Variants in PER2 observed in about 807,000 individuals in gnomAD.
PER2 encodes period circadian regulator 2, also known as period circadian protein homolog 2.
Under a neutral mutation model 121.0 loss-of-function variants are expected in PER2, and 66 were observed. The ratio of observed to expected loss-of-function variants is 0.55; its 90% confidence interval spans 0.45 to 0.67. The LOEUF (loss-of-function observed/expected upper bound fraction) is 0.67. PER2 is among the 30% of genes least tolerant of loss of function. The pLI is 0.00. For missense variants in PER2, 1,521 were observed against 1,635.0 expected (o/e 0.93, Z 1.20); for synonymous variants, 684 against 659.9 (o/e 1.04, Z -0.56).
intron 3 of PER2, among the ~76,000 whole-genome samples, chr2:238,276,840 G>C (rs1041904206): frequency 1.3e-5 from 2 of 152,152 alleles, no homozygotes; most frequent in African/African-American, 4.8e-5. Context: ...CACCTACGAA[G>C]GGTGAAGAAT....
At position 238,260,004 on chromosome 2, in the gene PER2, T is replaced by A; in HGVS notation, c.1592A>T (p.His531Leu). The A allele has an allele frequency of 6.6e-7, 1 of 1,509,336 alleles. No homozygotes were observed. The highest frequency in any genetic ancestry group is 9.2e-7 in the Non-Finnish European group (1 of 1,089,776). 93.5% of individuals were successfully genotyped at this position (1,509,336 alleles called of 1,614,324 possible). A position where few individuals can be genotyped will look rare whatever the true frequency, so the allele number is the denominator to read the frequency against. Residue 531 changes from histidine to leucine, a missense_variant, in exon 14 of 23, where the codon CAT becomes CTT. His to Leu is a moderately conservative substitution (Grantham distance 99). Transcript: ENST00000254657. ...NKTKNRSHYS[H>L]ESGEQKKKSV... The stretch of plus-strand genomic sequence containing the variant: ...TTTTTTCTTTTGTTCTCCAGATTCA[T>A]GAGAATAATGACTTCTATTTTTGGT...
chr2:238,298,031 CTTT>C, the PER2 span, among the ~76,000 whole-genome samples: 6 of 128,376 alleles, frequency 4.7e-5, no homozygotes, highest in Admixed American at 8.2e-5. Flanking sequence ...AGCTTTTGTT[CTTT>C]TTTTTTTTTT....
chr2:238,268,406 G>C lies in PER2; in HGVS notation c.825-208C>G, dbSNP rs1696178479. ...CAAATCAGAGTTAACACCCCCACCAGTGGGGCAGCCTGGAGCAGCCTGCAC... is the reference window on the plus strand; with the variant it reads ...CAAATCAGAGTTAACACCCCCACCACTGGGGCAGCCTGGAGCAGCCTGCAC... On this transcript the variant is annotated intron_variant, in intron 7 of 22. Coordinates refer to ENST00000254657, the MANE Select transcript of PER2 (RefSeq NM_022817.3). The surrounding 1 kb of genome is among the most constrained non-coding windows in gnomAD (Gnocchi z 4.0). Among the ~76,000 whole-genome samples the C allele has an allele frequency of 6.6e-6, 1 of 152,178 alleles. No homozygotes were observed. Among genetic ancestry groups the C allele is most frequent in the South Asian group, 2.1e-4 (1 of 4,830 alleles).
chr2:238,279,798 G>A (rs552140639), intron 1 of PER2, among the ~76,000 whole-genome samples: 37 of 152,248 alleles, frequency 2.4e-4, no homozygotes, highest in African/African-American at 7.0e-4. Flanking sequence ...TAGAAGTCCC[G>A]AAGGGTCCCA....
chr2:238,253,775 T>G lies in PER2; in HGVS notation c.2321-73A>C, dbSNP rs1695683201. 4 of 1,206,478 alleles carry G rather than the reference T, an allele frequency of 3.3e-6. No individual in the cohort carries two copies. Among genetic ancestry groups the G allele is most frequent in the African/African-American group, 1.5e-5 (1 of 66,132 alleles). 74.7% of individuals were successfully genotyped at this position (1,206,478 alleles called of 1,614,324 possible). ...TTGAAGACACCTCTTCGTTCAACAG[T>G]CCTGGGTTTCCAAATGCTGGCCCAG... On this transcript the variant is annotated intron_variant, in intron 18 of 22. Transcript: ENST00000254657. This position sits in a 1 kb window ranked among gnomAD's most constrained non-coding sequence, Gnocchi z 5.6.
At chr2:238,264,513 A>G (rs1437692786) in intron 9 of PER2, among the ~76,000 whole-genome samples, 1 of 152,240 alleles carries the variant, frequency 6.6e-6, no homozygotes, top group African/African-American at 2.4e-5. Context: ...TCCAGCTTCT[A>G]GGTGACCTGG....
chr2:238,277,571 T>C (rs899653179), intron 2 of PER2, 136 bp downstream of exon 2: 26 of 1,038,076 alleles, frequency 2.5e-5, no homozygotes, highest in African/African-American at 2.4e-4. Flanking sequence ...CACTGGCACA[T>C]TTTAGGTATT....
At position 238,245,597 on chromosome 2, in the gene PER2, T is replaced by C; in HGVS notation, c.*778A>G. 1 of 398,634 alleles carries C rather than the reference T, an allele frequency of 2.5e-6. No individual in the cohort carries two copies. The highest frequency in any genetic ancestry group is 4.4e-6 in the Non-Finnish European group (1 of 226,074). The allele number at this position is 398,634 out of a possible 1,614,324, so 24.7% of individuals were successfully genotyped here. A position where few individuals can be genotyped will look rare whatever the true frequency, so the allele number is the denominator to read the frequency against. On this transcript the variant is annotated 3_prime_UTR_variant, in exon 23 of 23. Coordinates refer to ENST00000254657, the MANE Select transcript of PER2 (RefSeq NM_022817.3). ...TAAAGAGATGACTGATGACATATTT[T>C]AATCTCCATATTGGCCATCATGGTC...
chr2:238,277,953 A>C lies in PER2; in HGVS notation c.-17T>G. 1 of 1,611,860 alleles carries C rather than the reference A, an allele frequency of 6.2e-7. No individual in the cohort carries two copies. ...TCCATTCATGCTGGGCTCTGGAACG[A>C]AGCTGGCAAACAGAGGGATGCTGTC... On this transcript the variant is annotated splice_region_variant and 5_prime_UTR_variant, in exon 2 of 23. Coordinates refer to ENST00000254657, the MANE Select transcript of PER2 (RefSeq NM_022817.3).
At position 238,264,461 on chromosome 2, in the gene PER2, G is replaced by C. The variant is rs1456099480; in HGVS notation, c.1046+1051C>G. 2.6e-5 allele frequency among the ~76,000 whole-genome samples: 4 copies of C among 152,270 alleles called. No homozygotes were observed. The East Asian group carries it at 5.8e-4, about 22-fold the overall frequency. On this transcript the variant is annotated intron_variant, in intron 9 of 22. Transcript: ENST00000254657. The stretch of plus-strand genomic sequence containing the variant: ...GCCCTGACTCCAAGGATGGGGGCCT[G>C]TGTCCCTGGGCCAAGAGTAGAGGAG...
At chr2:238,282,011 C>T (rs1696645204) in intron 1 of PER2, among the ~76,000 whole-genome samples, 1 of 152,216 alleles carries the variant, frequency 6.6e-6, no homozygotes, top group African/African-American at 2.4e-5. Flanking sequence ...CTGCCTCCAC[C>T]TGGCCCTGCT....
Position 238,249,117 on chromosome 2 carries a change from C to T in PER2, c.3563G>A (p.Arg1188His), listed in dbSNP as rs376052424. The T allele has an allele frequency of 8.1e-6, 13 of 1,614,084 alleles. No homozygotes were observed. The highest frequency in any genetic ancestry group is 3.3e-5 in the Admixed American group (2 of 60,012). Residue 1188 changes from arginine to histidine, a missense_variant, in exon 22 of 23, where the codon CGC becomes CAC. Transcript: ENST00000254657. ...CGTCTGCATCCACTGGTGGACCTCG[C>T]GCAGCTCCTGCTTCTGACTCTCCGT... The part of the protein sequence containing the change: ...RFTESQKQEL[R>H]EVHQWMQTGG...
rs1695742326 is a variant in PER2 at position 238,255,805 on chromosome 2, G to A, written c.2172C>T (p.Gly724=). Residue 724 remains glycine, a synonymous_variant, in exon 18 of 23, where the codon GGC becomes GGT. Transcript: ENST00000254657. ...GTGCAGCGAGTACCTCCTTGGTGAG[G>A]CCCAGCTTCTTGAAGGGCTCCTTCT... ...SQEKEPFKKL[G]LTKEVLAAHT... is the part of the protein sequence containing the mutation. 1 of 1,614,158 alleles carries A rather than the reference G, an allele frequency of 6.2e-7. No individual in the cohort carries two copies. Among genetic ancestry groups the A allele is most frequent in the Non-Finnish European group, 8.5e-7 (1 of 1,180,010 alleles).
chr2:238,255,506 C>A, intron 18 of PER2, 151 bp downstream of exon 18: 1 of 822,450 alleles, frequency 1.2e-6, no homozygotes, highest in Non-Finnish European at 2.1e-6. Flanking sequence ...TCTACAGAAA[C>A]AGATGGCGTT....
chr2:238,258,327 T>C lies in PER2; in HGVS notation c.1849A>G (p.Arg617Gly), dbSNP rs781446738. 1.2e-6 allele frequency: 2 copies of C among 1,614,220 alleles called. No homozygotes were observed. The highest frequency in any genetic ancestry group is 2.2e-5 in the South Asian group (2 of 91,092). Residue 617 changes from arginine (R) to glycine (G), a missense_variant, in exon 16 of 23, where the codon AGG becomes GGG. Transcript: ENST00000254657. ...GTGGCCTTCCGCTTATCACTGGACCTTAGCGCTGGGACGTTTGCTGGGAAC... is the reference window on the plus strand; with the variant it reads ...GTGGCCTTCCGCTTATCACTGGACCCTAGCGCTGGGACGTTTGCTGGGAAC... ...CEFPANVPAL[R>G]SSDKRKATVS...
chr2:238,292,390 G>A (rs1045282613), upstream of PER2, among the ~76,000 whole-genome samples: 1 of 152,222 alleles, frequency 6.6e-6, no homozygotes, highest in Non-Finnish European at 1.5e-5. Context: ...CCCTGGAGAA[G>A]AGCCTGGGGA....
chr2:238,285,763 T>G (rs1001003382), intron 1 of PER2, among the ~76,000 whole-genome samples: 7 of 152,208 alleles, frequency 4.6e-5, no homozygotes, highest in Non-Finnish European at 1.5e-5. Flanking sequence ...CTAGCTTGGC[T>G]TCTTGCAGCC....
In PER2 at chr2:238,247,768, A is replaced by T. The variant is rs573578131; in HGVS notation, c.3619-1244T>A. Among the ~76,000 whole-genome samples the T allele has an allele frequency of 1.7e-4, 26 of 152,274 alleles. 1 individual carries two copies. The South Asian group carries it at 5.0e-3, about 29-fold the overall frequency. ...CTGGAGAGGAGGGAAGGAGAGGAAA[A>T]ATGGGAGATGAGGTAGAAGATGTGG... On this transcript the variant is annotated intron_variant, in intron 22 of 22. Coordinates refer to ENST00000254657, the MANE Select transcript of PER2 (RefSeq NM_022817.3).
chr2:238,290,201 C>T, upstream of PER2: 1 of 152,226 alleles, frequency 6.6e-6, no homozygotes, highest in East Asian at 1.9e-4. Context: ...CCACAGAAGC[C>T]CCGGGAGGCC....
Sources: gnomAD v4.1 joint callset for allele counts (sites outside exome capture counted in the v4.1 genomes callset) on GRCh38, gnomAD v4.1.1 for gene constraint, Gnocchi (gnomAD v3.1) non-coding constraint, MANE v1.5 for transcripts, NCBI Gene and HGNC (gene_info 2026-07-23, HGNC 2026-07-21) for gene names.